The following BST1 variants were observed in gnomAD, a reference collection of about 807,000 sequenced individuals.
The protein encoded by BST1 is ADP-ribosyl cyclase/cyclic ADP-ribose hydrolase 2.
A neutral mutation model predicts 40.6 loss-of-function variants in BST1; 49 were observed. That is an observed-to-expected ratio of 1.21 (90% CI 0.96 to 1.53). BST1 has a LOEUF of 1.53. Among genes scored for constraint, BST1 ranks in the 40% most tolerant of loss-of-function variants. BST1 has a pLI of 0.00. For missense variants in BST1, 423 were observed against 395.9 expected (o/e 1.07, Z -0.58); for synonymous variants, 157 against 159.3 (o/e 0.99, Z 0.11).
At chr4:15,755,260 T>C in the BST1 span, among the ~76,000 whole-genome samples, 1 of 152,202 alleles carries the variant, frequency 6.6e-6, no homozygotes, top group East Asian at 1.9e-4. Flanking sequence ...TGCCTCGGCC[T>C]CTTCAGTAGC....
At chr4:15,742,366 G>A (rs28608142), downstream of BST1, among the ~76,000 whole-genome samples, 32,763 of 151,992 alleles carry the variant, frequency 0.22, 3,686 homozygotes, top group East Asian at 0.38. Context: ...CCTGGCACCT[G>A]TCTCCCTCCC....
chr4:15,739,304 A>G (rs1288394353), downstream of BST1, among the ~76,000 whole-genome samples: 1 of 152,228 alleles, frequency 6.6e-6, no homozygotes, highest in East Asian at 1.9e-4. Flanking sequence ...TCTTTAAAAC[A>G]TGTTTCAATA....
intron 1 of BST1, 53 bp downstream of exon 1, chr4:15,703,385 G>T: frequency 6.8e-7 from 1 of 1,475,702 alleles, no homozygotes; most frequent in South Asian, 1.3e-5. Context: ...ACGGTGGGGA[G>T]GGCCTGGGGA....
downstream of BST1, among the ~76,000 whole-genome samples, chr4:15,738,929 T>C (rs2148900747): frequency 6.6e-6 from 1 of 152,358 alleles, no homozygotes; most frequent in African/African-American, 2.4e-5. Context: ...TAGCTCCTAA[T>C]GCTCATTTCC....
chr4:15,703,347 C>CTGA lies in BST1; in HGVS notation c.188+15_188+16insTGA, dbSNP rs1419596578. ...CCCGAGCAGCGGTGAGGCAGTCGGC[C>CTGA]GGGTGGAAGGGGAGCCGGAAAGAGG... On this transcript the variant is annotated intron_variant, in intron 1 of 8. Transcript: ENST00000265016. The CTGA allele has an allele frequency of 8.0e-7, 1 of 1,252,770 alleles. No homozygotes were observed. The highest frequency in any genetic ancestry group is 1.7e-5 in the African/African-American group (1 of 59,546). 77.6% of individuals were successfully genotyped at this position (1,252,770 alleles called of 1,614,324 possible).
At chr4:15,768,508 A>T in the BST1 span, among the ~76,000 whole-genome samples, 1,107 of 111,748 alleles carry the variant, frequency 9.9e-3, 14 homozygotes, top group African/African-American at 0.037. Flanking sequence ...TTTTTTTGAG[A>T]CGGAGTCTCA....
intron 7 of BST1, among the ~76,000 whole-genome samples, chr4:15,721,093 C>T (rs572094047): frequency 2.2e-4 from 34 of 152,240 alleles, no homozygotes; most frequent in African/African-American, 7.9e-4. Context: ...AGGAAGCTCC[C>T]ATTTCTTTAT....
chr4:15,744,722 A>T, the BST1 span, among the ~76,000 whole-genome samples: 9 of 152,252 alleles, frequency 5.9e-5, no homozygotes, highest in African/African-American at 2.2e-4. Context: ...GCCTATACCC[A>T]CTCAGGAGGG....
rs1160690843 is a variant in BST1 at position 15,731,965 on chromosome 4, G to A, written c.*120G>A. The A allele has an allele frequency of 7.2e-7, 1 of 1,394,334 alleles. No individual in the cohort carries two copies. The highest frequency in any genetic ancestry group is 1.5e-5 in the African/African-American group (1 of 68,154). The allele number at this position is 1,394,334 out of a possible 1,614,324, so 86.4% of individuals were successfully genotyped here. ...TAAAGAAGCTTTTTGCTGGGAAAAC[G>A]ATGTCCTGAAAATGGTATTTCAATG... On this transcript the variant is annotated 3_prime_UTR_variant, in exon 9 of 9. Coordinates refer to ENST00000265016, the MANE Select transcript of BST1 (RefSeq NM_004334.3).
At chr4:15,727,088 T>G (rs1721155989) in intron 8 of BST1, among the ~76,000 whole-genome samples, 1 of 152,128 alleles carries the variant, frequency 6.6e-6, no homozygotes, top group Non-Finnish European at 1.5e-5. Context: ...ACCACATTCC[T>G]AGAAGGAAGA....
downstream of BST1, among the ~76,000 whole-genome samples, chr4:15,741,758 A>G (rs957965433): frequency 1.3e-5 from 2 of 152,206 alleles, no homozygotes; most frequent in African/African-American, 4.8e-5. Flanking sequence ...GTGCTTATCT[A>G]TTCCGCTTCT....
chr4:15,722,454 G>A (rs920139307), intron 7 of BST1, among the ~76,000 whole-genome samples: 6 of 152,102 alleles, frequency 3.9e-5, no homozygotes, highest in African/African-American at 1.4e-4. Context: ...TAGATACAAG[G>A]CCTCACTCTG....
At chr4:15,764,042 A>C in the BST1 span, among the ~76,000 whole-genome samples, 1 of 152,020 alleles carries the variant, frequency 6.6e-6, no homozygotes, top group Admixed American at 6.5e-5. Flanking sequence ...CGCTAATGTA[A>C]ACTATGGGCT....
At chr4:15,752,335 T>C in the BST1 span, among the ~76,000 whole-genome samples, 2 of 151,946 alleles carry the variant, frequency 1.3e-5, no homozygotes, top group Non-Finnish European at 2.9e-5. Context: ...TGGATAGGCC[T>C]CATTGAGAAG....
the BST1 span, among the ~76,000 whole-genome samples, chr4:15,744,588 C>T: frequency 2.6e-5 from 4 of 152,160 alleles, no homozygotes; most frequent in Non-Finnish European, 5.9e-5. Flanking sequence ...CACAGACAAA[C>T]CATATCACAT....
downstream of BST1, among the ~76,000 whole-genome samples, chr4:15,741,756 C>G (rs74836168): frequency 0.026 from 3,885 of 152,330 alleles, 72 homozygotes; most frequent in Middle Eastern, 0.099. Context: ...TTGTGCTTAT[C>G]TATTCCGCTT....
chr4:15,760,520 G>A, the BST1 span, among the ~76,000 whole-genome samples: 1 of 151,736 alleles, frequency 6.6e-6, no homozygotes, highest in African/African-American at 2.4e-5. Flanking sequence ...AGTAGCTGAG[G>A]GCAGGGATTT....
At chr4:15,714,590 T>C (rs1720405847) in intron 4 of BST1, among the ~76,000 whole-genome samples, 1 of 152,236 alleles carries the variant, frequency 6.6e-6, no homozygotes, top group African/African-American at 2.4e-5. Context: ...TCCCTTGTTG[T>C]TGAGTATTCT....
At chr4:15,771,085 G>C in the BST1 span, among the ~76,000 whole-genome samples, 4 of 152,154 alleles carry the variant, frequency 2.6e-5, no homozygotes, top group Non-Finnish European at 4.4e-5. Flanking sequence ...CTTAATATTT[G>C]TTGAATAAAT....
Sources: gnomAD v4.1 joint callset for allele counts (sites outside exome capture counted in the v4.1 genomes callset) on GRCh38, gnomAD v4.1.1 for gene constraint, MANE v1.5 for transcripts, NCBI Gene and HGNC (gene_info 2026-07-23, HGNC 2026-07-21) for gene names.